ADGB: variants seen among roughly 807,000 people sequenced by gnomAD.
The protein encoded by ADGB is androglobin, also known as calpain-7-like protein.
Under a neutral mutation model 210.5 loss-of-function variants are expected in ADGB, and 172 were observed. That is an observed-to-expected ratio of 0.82 (90% CI 0.72 to 0.93). The LOEUF (loss-of-function observed/expected upper bound fraction) is 0.93. Ranked by LOEUF, ADGB falls within the 40% of genes least tolerant of loss-of-function variation. The pLI is 0.00. For synonymous variants in ADGB, 658 were observed against 662.7 expected (o/e 0.99, Z 0.11); for missense variants, 2,025 against 1,964.8 (o/e 1.03, Z -0.58).
chr6:146,667,235 G>A (rs1775949128), intron 7 of ADGB, among the ~76,000 whole-genome samples: 1 of 151,972 alleles, frequency 6.6e-6, no homozygotes, highest in African/African-American at 2.4e-5. Context: ...TTTTACAGAA[G>A]TGACAAGACA....
intron 29 of ADGB, among the ~76,000 whole-genome samples, chr6:146,781,428 GAGA>G (rs767021829): frequency 6.7e-6 from 1 of 149,298 alleles, no homozygotes; most frequent in African/African-American, 2.5e-5. Flanking sequence ...CAATGGAACA[GAGA>G]AGAAATCACA....
chr6:146,699,936 G>T (rs759414326), intron 12 of ADGB, among the ~76,000 whole-genome samples: 1 of 152,152 alleles, frequency 6.6e-6, no homozygotes, highest in Non-Finnish European at 1.5e-5. Flanking sequence ...TAAAGTACAT[G>T]AAATTCTAAT....
At chr6:146,623,655 G>T (rs1365530354) in intron 1 of ADGB, among the ~76,000 whole-genome samples, 4 of 151,724 alleles carry the variant, frequency 2.6e-5, no homozygotes, top group Non-Finnish European at 5.9e-5. Flanking sequence ...GTATATTCTT[G>T]TCCTATTTCT....
In ADGB at chr6:146,614,917, T is replaced by C. The variant is rs146384545; in HGVS notation, c.74+15803T>C. Among the ~76,000 whole-genome samples the C allele has an allele frequency of 2.1e-3, 320 of 152,260 alleles. 3 individuals carry two copies. The highest frequency in any genetic ancestry group is 7.3e-3 in the African/African-American group (304 of 41,542). ...ATGGGGAGATCTCAGATTCTTTTTT[T>C]TGAGACAGAGTCTCGCTCTGTCGCC... On this transcript the variant is annotated intron_variant, in intron 1 of 35. Coordinates refer to ENST00000397944, the MANE Select transcript of ADGB (RefSeq NM_024694.4).
In ADGB at chr6:146,607,817, C is replaced by T. The variant is rs1193081470; in HGVS notation, c.74+8703C>T. On this transcript the variant is annotated intron_variant, in intron 1 of 35. Transcript: ENST00000397944. ...TTAGTATTTTGTTGAGGATTTTAGC[C>T]TCTGTGTCCATCAAGTGCATTGTCC... Among the ~76,000 whole-genome samples, 6 of 151,974 alleles carry T rather than the reference C, an allele frequency of 3.9e-5. No individual in the cohort carries two copies. In the East Asian group the frequency reaches 1.2e-3, roughly 29 times the overall value.
intron 1 of ADGB, among the ~76,000 whole-genome samples, chr6:146,626,807 G>A (rs948505698): frequency 2.0e-5 from 3 of 150,536 alleles, no homozygotes; most frequent in Non-Finnish European, 4.4e-5. Context: ...TAGGTTTATA[G>A]TTTTCATAAA....
intron 1 of ADGB, among the ~76,000 whole-genome samples, chr6:146,613,119 TTTAAG>T (rs1255664886): frequency 6.6e-6 from 1 of 152,214 alleles, no homozygotes. Flanking sequence ...TCTCATTCAT[TTTAAG>T]TTATTTGAGA....
rs200128413 is a variant in ADGB at position 146,716,889 on chromosome 6, A to T, written c.1748A>T (p.Asp583Val). The T allele has an allele frequency of 6.1e-4, 951 of 1,548,510 alleles. 13 individuals are homozygous for T. Among genetic ancestry groups the T allele is most frequent in the Non-Finnish European group, 1.1e-5 (13 of 1,145,356 alleles). Residue 583 changes from aspartate to valine, a missense_variant, in exon 15 of 36, where the codon GAT becomes GTT. Coordinates refer to ENST00000397944, the MANE Select transcript of ADGB (RefSeq NM_024694.4). ...TGACATGTGTGTCTTCTAGGCACAG[A>T]TGAACAAACAGACTTTGGATTGGGT... ...ASQVILGKGT[D>V]EQTDFGLGDA...
chr6:146,729,854 C>T (rs1254097065), intron 20 of ADGB, among the ~76,000 whole-genome samples: 1 of 152,140 alleles, frequency 6.6e-6, no homozygotes, highest in Admixed American at 6.6e-5. Context: ...ATAGTAGATT[C>T]TTATGATTCT....
At chr6:146,800,148 A>T (rs376467035) in intron 33 of ADGB, among the ~76,000 whole-genome samples, 3 of 140,918 alleles carry the variant, frequency 2.1e-5, no homozygotes, top group Non-Finnish European at 3.1e-5. Flanking sequence ...CTTTTTTTTT[A>T]AATGAACCAA....
At chr6:146,735,296 C>T (rs1278834088) in intron 22 of ADGB, among the ~76,000 whole-genome samples, 1 of 152,162 alleles carries the variant, frequency 6.6e-6, no homozygotes, top group Non-Finnish European at 1.5e-5. Context: ...GTATTTCTTA[C>T]AGTTCTGAAG....
intron 27 of ADGB, among the ~76,000 whole-genome samples, chr6:146,757,107 T>C (rs1043017857): frequency 6.6e-6 from 1 of 152,120 alleles, no homozygotes; most frequent in Non-Finnish European, 1.5e-5. Context: ...AAACTCTTTG[T>C]ATTATATGTT....
chr6:146,803,738 A>G, intron 35 of ADGB: 2 of 832,788 alleles, frequency 2.4e-6, no homozygotes, highest in South Asian at 1.6e-5. Flanking sequence ...GCCTCATGGT[A>G]CCGCGGCGCC....
chr6:146,720,010 G>T (rs1396402819), intron 16 of ADGB, among the ~76,000 whole-genome samples: 3 of 152,112 alleles, frequency 2.0e-5, no homozygotes, highest in Non-Finnish European at 4.4e-5. Context: ...AAATAACAAG[G>T]CTTCCCTTTT....
intron 29 of ADGB, among the ~76,000 whole-genome samples, chr6:146,769,558 C>T (rs1368746196): frequency 6.6e-6 from 1 of 151,934 alleles, no homozygotes; most frequent in Non-Finnish European, 1.5e-5. Flanking sequence ...TGAAAGAGTA[C>T]TCTGGTTTAT....
At chr6:146,790,702 A>ACC (rs1777943042) in intron 33 of ADGB, among the ~76,000 whole-genome samples, 1 of 152,210 alleles carries the variant, frequency 6.6e-6, no homozygotes, top group Non-Finnish European at 1.5e-5. Context: ...TTGGATATAT[A>ACC]CCCACAGGCA....
At chr6:146,734,675 T>C (rs983752537) in intron 22 of ADGB, among the ~76,000 whole-genome samples, 1 of 152,110 alleles carries the variant, frequency 6.6e-6, no homozygotes, top group African/African-American at 2.4e-5. Context: ...TTTGGGAGGC[T>C]GAGGGGGGCA....
At chr6:146,684,933 C>T (rs1776202305) in intron 9 of ADGB, among the ~76,000 whole-genome samples, 2 of 152,046 alleles carry the variant, frequency 1.3e-5, no homozygotes, top group Non-Finnish European at 2.9e-5. Flanking sequence ...GGCAGATTTT[C>T]ATATCTCCAT....
chr6:146,676,230 T>C, intron 8 of ADGB, 83 bp from the exon 9 acceptor site: 1 of 1,299,216 alleles, frequency 7.7e-7, no homozygotes, highest in Non-Finnish European at 1.0e-6. Flanking sequence ...TTTGGCCTTT[T>C]TTCTTTAAGA....
Sources: allele counts gnomAD v4.1 joint callset (sites outside exome capture counted in the v4.1 genomes callset), GRCh38; gene constraint gnomAD v4.1.1; transcripts MANE v1.5; gene names NCBI Gene and HGNC (gene_info 2026-07-23, HGNC 2026-07-21).